Variants in EBAG9 observed in about 807,000 individuals in gnomAD.
EBAG9 encodes estrogen receptor binding site associated antigen 9.
EBAG9 carries 16 observed loss-of-function variants against 30.9 expected under a neutral mutation model. The ratio of observed to expected loss-of-function variants is 0.52; its 90% confidence interval spans 0.35 to 0.79. The LOEUF is 0.79. Among genes scored for constraint, EBAG9 ranks in the 30% least tolerant of loss-of-function variants. EBAG9 has a pLI of 0.01. For synonymous variants in EBAG9, 93 were observed against 82.8 expected (o/e 1.12, Z -0.67); for missense variants, 197 against 242.1 (o/e 0.81, Z 1.24).
chr8:109,562,856 T>C (rs1379104765), intron 6 of EBAG9, among the ~76,000 whole-genome samples: 1 of 151,994 alleles, frequency 6.6e-6, no homozygotes, highest in South Asian at 2.1e-4. Flanking sequence ...CCTTTGAGCA[T>C]CAGGTAGGCC....
At chr8:109,545,237 G>A (rs1289847323) in intron 1 of EBAG9, among the ~76,000 whole-genome samples, 1 of 145,956 alleles carries the variant, frequency 6.9e-6, no homozygotes, top group Non-Finnish European at 1.5e-5. Context: ...CAGGAGAATT[G>A]CTTGAACCCG....
At chr8:109,550,042 A>G (rs1821461552) in intron 1 of EBAG9, among the ~76,000 whole-genome samples, 1 of 152,094 alleles carries the variant, frequency 6.6e-6, no homozygotes, top group Non-Finnish European at 1.5e-5. Context: ...GGAATGCTAT[A>G]CAATTTGCAT....
chr8:109,561,885 A>T (rs1340478861), intron 6 of EBAG9, among the ~76,000 whole-genome samples: 1 of 145,380 alleles, frequency 6.9e-6, no homozygotes, highest in African/African-American at 2.6e-5. Context: ...GAAATATATC[A>T]AGCCCTTTTT....
chr8:109,551,673 C>G (rs1255540885), intron 2 of EBAG9, among the ~76,000 whole-genome samples: 1 of 151,990 alleles, frequency 6.6e-6, no homozygotes, highest in Non-Finnish European at 1.5e-5. Context: ...TTTTTGTTTA[C>G]TTATATTTTT....
At chr8:109,540,509 G>C (rs950917331) in intron 1 of EBAG9, 48 bp downstream of exon 1, 15 of 152,104 alleles carry the variant, frequency 9.9e-5, no homozygotes, top group African/African-American at 3.1e-4. Context: ...AATCTGAAAT[G>C]AAACCACTTA....
At chr8:109,552,501 T>C (rs1821514211) in intron 2 of EBAG9, among the ~76,000 whole-genome samples, 1 of 152,162 alleles carries the variant, frequency 6.6e-6, no homozygotes, top group South Asian at 2.1e-4. Flanking sequence ...TAAAAATGGG[T>C]ATTAATTGCC....
At chr8:109,546,867 C>A (rs1444125947) in intron 1 of EBAG9, among the ~76,000 whole-genome samples, 1 of 152,092 alleles carries the variant, frequency 6.6e-6, no homozygotes, top group African/African-American at 2.4e-5. Flanking sequence ...AACAATAGTT[C>A]ATTCCTTTTT....
At chr8:109,564,197 G>A (rs1347668838) in intron 6 of EBAG9, among the ~76,000 whole-genome samples, 1 of 152,022 alleles carries the variant, frequency 6.6e-6, no homozygotes, top group East Asian at 1.9e-4. Flanking sequence ...TAGCCTTTAT[G>A]CCTCATTTTA....
chr8:109,560,898 G>C lies in EBAG9; in HGVS notation c.490G>C (p.Asp164His). Residue 164 changes from aspartate (D) to histidine (H), a missense_variant, in exon 6 of 7, where the codon GAT becomes CAT. Transcript: ENST00000337573. ...TACCAATGCATGGGAAGAAGAAGAA[G>C]ATGCAGCCTGGCAAGCAGAAGAAGT... ...ENTNAWEEEEDAAWQAEEVLR... is the reference protein window; with the variant it reads ...ENTNAWEEEEHAAWQAEEVLR... The C allele has an allele frequency of 6.2e-7, 1 of 1,612,990 alleles. No individual in the cohort carries two copies.
chr8:109,554,116 G>C (rs1821549507), intron 3 of EBAG9, among the ~76,000 whole-genome samples, 173 bp downstream of exon 3: 1 of 152,040 alleles, frequency 6.6e-6, no homozygotes, highest in Non-Finnish European at 1.5e-5. Flanking sequence ...TTTATCTTCT[G>C]TTTCTTTGTT....
chr8:109,549,424 C>A (rs940567040), intron 1 of EBAG9, among the ~76,000 whole-genome samples: 3 of 151,814 alleles, frequency 2.0e-5, no homozygotes, highest in African/African-American at 7.2e-5. Flanking sequence ...GGAAATATTC[C>A]TTCTTCAGTT....
Position 109,565,582 on chromosome 8 carries a change from A to G in EBAG9, c.*1023A>G, listed in dbSNP as rs1052435150. 1 of 152,150 alleles carries G rather than the reference A, an allele frequency of 6.6e-6. No individual in the cohort carries two copies. The highest frequency in any genetic ancestry group is 6.5e-5 in the Admixed American group (1 of 15,272). The allele number at this position is 152,150 out of a possible 1,614,324, so 9.4% of individuals were successfully genotyped here. A position where few individuals can be genotyped will look rare whatever the true frequency, so the allele number is the denominator to read the frequency against. ...TTGGCTCCAAAATAGTCTTAAGGAA[A>G]TAAATACTGGGTCTGTAGGGGAAAA... On this transcript the variant is annotated 3_prime_UTR_variant, in exon 7 of 7. Coordinates refer to ENST00000337573, the MANE Select transcript of EBAG9 (RefSeq NM_004215.5).
At chr8:109,561,308 C>T (rs1035677160) in intron 6 of EBAG9, among the ~76,000 whole-genome samples, 1 of 151,734 alleles carries the variant, frequency 6.6e-6, no homozygotes, top group Non-Finnish European at 1.5e-5. Flanking sequence ...ATTTCCATTT[C>T]CTCATGATCT....
intron 1 of EBAG9, among the ~76,000 whole-genome samples, chr8:109,542,083 AAT>A (rs1463383543): frequency 6.6e-6 from 1 of 152,214 alleles, no homozygotes; most frequent in African/African-American, 2.4e-5. Flanking sequence ...AAACAAGGAC[AAT>A]AGTATCTATG....
intron 2 of EBAG9, among the ~76,000 whole-genome samples, chr8:109,552,847 A>G (rs1360147693): frequency 1.3e-5 from 2 of 152,216 alleles, no homozygotes; most frequent in Non-Finnish European, 2.9e-5. Flanking sequence ...TGTAATCCCA[A>G]TGCTTTGGGA....
intron 5 of EBAG9, among the ~76,000 whole-genome samples, chr8:109,559,815 T>TA (rs879895526): frequency 0.025 from 3,607 of 142,772 alleles, 133 homozygotes; most frequent in African/African-American, 0.086. Context: ...CGCTGATTCC[T>TA]AAAAAAAAAA....
At chr8:109,545,513 T>C (rs562637510) in intron 1 of EBAG9, among the ~76,000 whole-genome samples, 1 of 151,680 alleles carries the variant, frequency 6.6e-6, no homozygotes, top group Non-Finnish European at 1.5e-5. Flanking sequence ...TACAGGCATG[T>C]GCCACCGCAC....
chr8:109,549,945 T>C (rs1821459401), intron 1 of EBAG9, among the ~76,000 whole-genome samples: 1 of 152,020 alleles, frequency 6.6e-6, no homozygotes, highest in South Asian at 2.1e-4. Context: ...ATTTGTGTCT[T>C]TTTATTTAAA....
At chr8:109,549,000 T>C (rs966136181) in intron 1 of EBAG9, among the ~76,000 whole-genome samples, 14 of 151,218 alleles carry the variant, frequency 9.3e-5, no homozygotes, top group African/African-American at 3.2e-4. Context: ...GGAGAAATTA[T>C]CAAATTTTTT....
Sources: allele counts gnomAD v4.1 joint callset (sites outside exome capture counted in the v4.1 genomes callset), GRCh38; gene constraint gnomAD v4.1.1; transcripts MANE v1.5; gene names NCBI Gene and HGNC (gene_info 2026-07-23, HGNC 2026-07-21).